The following SHISAL1 variants were observed in gnomAD, a reference collection of about 807,000 sequenced individuals.
SHISAL1 encodes the protein shisa like 1.
Under a neutral mutation model 22.6 loss-of-function variants are expected in SHISAL1, and 9 were observed. That is an observed-to-expected ratio of 0.40 (90% confidence interval 0.24 to 0.70). The LOEUF (loss-of-function observed/expected upper bound fraction) is 0.70, where lower values mean the gene tolerates loss of function less well. Among genes scored for constraint, SHISAL1 ranks in the 30% least tolerant of loss-of-function variants. The pLI is 0.39. For missense variants in SHISAL1, 246 were observed against 270.6 expected (o/e 0.91, Z 0.64); for synonymous variants, 119 against 115.4 (o/e 1.03, Z -0.20).
chr22:44,255,261 T>C (rs1185362491), intron 4 of SHISAL1, among the ~76,000 whole-genome samples: 1 of 152,146 alleles, frequency 6.6e-6, no homozygotes, highest in Non-Finnish European at 1.5e-5. Context: ...CTTTTGACCC[T>C]CAAACTCTCA....
chr22:44,257,858 A>G (rs1399649098), intron 4 of SHISAL1, among the ~76,000 whole-genome samples: 1 of 152,168 alleles, frequency 6.6e-6, no homozygotes, highest in Non-Finnish European at 1.5e-5. Flanking sequence ...AAAAACTTTT[A>G]AGGCCAGGCA....
chr22:44,309,918 C>T (rs1242277797), intron 1 of SHISAL1, among the ~76,000 whole-genome samples: 1 of 152,252 alleles, frequency 6.6e-6, no homozygotes, highest in Non-Finnish European at 1.5e-5. Context: ...CAAAGCATGT[C>T]TTTGTGACCC....
At chr22:44,303,001 G>A (rs1407256451) in intron 1 of SHISAL1, among the ~76,000 whole-genome samples, 3 of 152,054 alleles carry the variant, frequency 2.0e-5, no homozygotes, top group East Asian at 3.9e-4. Flanking sequence ...TGGGCCCTGA[G>A]GGGACTAGAT....
Position 44,255,679 on chromosome 22 carries a change from C to G in SHISAL1, c.*-5994G>C, listed in dbSNP as rs145531770. ...CTCTCAACACAGCAGCCAGAGGAGCCCTGAGAAAACCTAAGTCCAATTACA... is the reference window on the plus strand; with the variant it reads ...CTCTCAACACAGCAGCCAGAGGAGCGCTGAGAAAACCTAAGTCCAATTACA... On this transcript the variant is annotated intron_variant, in intron 4 of 4. Coordinates refer to ENST00000381176, the MANE Select transcript of SHISAL1 (RefSeq NM_001099294.2). Among the ~76,000 whole-genome samples, 355 of 152,306 alleles carry G rather than the reference C, an allele frequency of 2.3e-3. 1 individual carries two copies. Among genetic ancestry groups the G allele is most frequent in the Admixed American group, 5.2e-3 (80 of 15,306 alleles).
chr22:44,258,945 T>C (rs1478195341), intron 4 of SHISAL1, among the ~76,000 whole-genome samples: 1 of 152,074 alleles, frequency 6.6e-6, no homozygotes, highest in Non-Finnish European at 1.5e-5. Context: ...CAGCCACTGA[T>C]GTGGGAGCTA....
chr22:44,309,137 T>C (rs1305174661), intron 1 of SHISAL1, among the ~76,000 whole-genome samples: 3 of 152,146 alleles, frequency 2.0e-5, no homozygotes, highest in South Asian at 2.1e-4. Flanking sequence ...CTGACCCCAC[T>C]GGTCAGGGAG....
At chr22:44,267,295 C>T (rs2055170929) in intron 4 of SHISAL1, among the ~76,000 whole-genome samples, 1 of 152,126 alleles carries the variant, frequency 6.6e-6, no homozygotes, top group Non-Finnish European at 1.5e-5. Context: ...AAACTCAAAA[C>T]ACTCCATGCT....
chr22:44,264,885 G>T (rs979287830), intron 4 of SHISAL1, among the ~76,000 whole-genome samples: 5 of 151,252 alleles, frequency 3.3e-5, no homozygotes, highest in Non-Finnish European at 5.9e-5. Context: ...CTTGGGCGAG[G>T]TCCCCAACAC....
In SHISAL1 at chr22:44,246,701, C is replaced by CTGTTTTCACCT. The variant is rs1555924149; in HGVS notation, c.*2983_*2984insAGGTGAAAACA. The CTGTTTTCACCT allele has an allele frequency of 1.3e-5, 2 of 152,178 alleles. No individual in the cohort carries two copies. The allele number at this position is 152,178 out of a possible 1,614,324, so 9.4% of individuals were successfully genotyped here. ...CTGAGTGTTCACACCCACATGCACA[C>CTGTTTTCACCT]TGTTCTCACCTGTCGGCTCCTCTGT... On this transcript the variant is annotated 3_prime_UTR_variant, in exon 5 of 5. Transcript: ENST00000381176.
At chr22:44,292,254 T>TTGCACACATTGG (rs1461769158) in intron 3 of SHISAL1, among the ~76,000 whole-genome samples, 2 of 152,152 alleles carry the variant, frequency 1.3e-5, no homozygotes, top group Non-Finnish European at 2.9e-5. Flanking sequence ...TAAAGCCCCT[T>TTGCACACATTGG]CCGGGAGTCA....
At chr22:44,327,255 C>A in the SHISAL1 span, among the ~76,000 whole-genome samples, 4 of 108,244 alleles carry the variant, frequency 3.7e-5, no homozygotes, top group African/African-American at 1.1e-4. Context: ...CACACACACA[C>A]ACACACACAC....
chr22:44,328,598 G>C, the SHISAL1 span, among the ~76,000 whole-genome samples: 1 of 152,088 alleles, frequency 6.6e-6, no homozygotes, highest in Non-Finnish European at 1.5e-5. Flanking sequence ...CTGGGCATGA[G>C]GCAACCCTCT....
chr22:44,286,289 G>A (rs1036069779), intron 3 of SHISAL1, among the ~76,000 whole-genome samples: 3 of 152,144 alleles, frequency 2.0e-5, no homozygotes, highest in African/African-American at 7.2e-5. Context: ...CTCCCCCAGG[G>A]GTCCCCTTCA....
At chr22:44,262,949 G>T (rs944794637) in intron 4 of SHISAL1, among the ~76,000 whole-genome samples, 8 of 152,278 alleles carry the variant, frequency 5.3e-5, no homozygotes, top group South Asian at 2.1e-4. Flanking sequence ...GGCACAACAC[G>T]CCTCATTCCA....
At chr22:44,328,946 G>A in the SHISAL1 span, among the ~76,000 whole-genome samples, 10 of 152,272 alleles carry the variant, frequency 6.6e-5, no homozygotes, top group African/African-American at 2.4e-4. Flanking sequence ...GCCCACAGAG[G>A]GTCCCTGCCC....
rs575213385 is a variant in SHISAL1 at position 44,273,053 on chromosome 22, A to G, written c.599+12375T>C. Among the ~76,000 whole-genome samples, 8 of 151,650 alleles carry G rather than the reference A, an allele frequency of 5.3e-5. No individual in the cohort carries two copies. In the East Asian group the frequency reaches 1.6e-3, roughly 29 times the overall value. On this transcript the variant is annotated intron_variant, in intron 4 of 4. Coordinates refer to ENST00000381176, the MANE Select transcript of SHISAL1 (RefSeq NM_001099294.2). ...GGAGGTTGCTGTGAGCTGAGATCGC[A>G]CCACTGCACTCCAGCCTGGGCAACA...
chr22:44,277,672 G>A (rs1483837360), intron 4 of SHISAL1, among the ~76,000 whole-genome samples: 3 of 152,170 alleles, frequency 2.0e-5, no homozygotes, highest in African/African-American at 7.2e-5. Context: ...TGAGACAGAG[G>A]CGTGCTCACA....
intron 4 of SHISAL1, among the ~76,000 whole-genome samples, chr22:44,273,693 A>T (rs2055220001): frequency 6.6e-6 from 1 of 152,236 alleles, no homozygotes; most frequent in African/African-American, 2.4e-5. Context: ...TTCTACAAAC[A>T]TGACTTGATT....
chr22:44,289,126 T>C lies in SHISAL1; in HGVS notation c.282-3381A>G, dbSNP rs150443337. Reference sequence around the variant, plus strand: ...AACACTGGCAATTGTTATGCGCCAGTGCCCTGTGCTTCTGAATCCGTGCAA... The same window carrying C: ...AACACTGGCAATTGTTATGCGCCAGCGCCCTGTGCTTCTGAATCCGTGCAA... On this transcript the variant is annotated intron_variant, in intron 3 of 4. Transcript: ENST00000381176. Among the ~76,000 whole-genome samples, 152 of 152,328 alleles carry C rather than the reference T, an allele frequency of 1.0e-3. 2 individuals carry two copies. The East Asian group carries it at 0.026, about 26-fold the overall frequency.
Sources: gnomAD v4.1 joint callset for allele counts (sites outside exome capture counted in the v4.1 genomes callset) on GRCh38, gnomAD v4.1.1 for gene constraint, MANE v1.5 for transcripts, NCBI Gene and HGNC (gene_info 2026-07-23, HGNC 2026-07-21) for gene names.